SLF1: variants seen among roughly 807,000 people sequenced by gnomAD.
SLF1 encodes SMC5-SMC6 complex localization factor protein 1.
Under a neutral mutation model 123.0 loss-of-function variants are expected in SLF1, and 105 were observed. The ratio of observed to expected loss-of-function variants is 0.85; its 90% confidence interval spans 0.73 to 1.00. The LOEUF is 1.00. Among genes scored for constraint, SLF1 ranks in the 50% least tolerant of loss-of-function variants. The probability of loss-of-function intolerance (pLI) is 0.00; values close to 1 mark genes in which losing one functional copy is unlikely to be tolerated. For missense variants in SLF1, 1,239 were observed against 1,223.0 expected (o/e 1.01, Z -0.20); for synonymous variants, 434 against 406.6 (o/e 1.07, Z -0.81).
chr5:94,646,665 A>G (rs527530491), intron 5 of SLF1, among the ~76,000 whole-genome samples: 1 of 152,312 alleles, frequency 6.6e-6, no homozygotes, highest in South Asian at 2.1e-4. Flanking sequence ...AAAATGAACT[A>G]CAGCAGTCTT....
intron 1 of SLF1, among the ~76,000 whole-genome samples, chr5:94,625,878 T>A (rs1012675101): frequency 6.6e-6 from 1 of 152,150 alleles, no homozygotes; most frequent in Non-Finnish European, 1.5e-5. Context: ...CTTCATAGTT[T>A]TTATGTATTG....
At chr5:94,660,514 G>GC (rs1008648261) in intron 9 of SLF1, among the ~76,000 whole-genome samples, 2 of 152,246 alleles carry the variant, frequency 1.3e-5, no homozygotes, top group Middle Eastern at 3.4e-3. Context: ...CTTTCCTCAG[G>GC]CCCCCCGATA....
At chr5:94,662,223 CA>C in intron 9 of SLF1, 74 bp from the exon 10 acceptor site, 1 of 1,301,280 alleles carries the variant, frequency 7.7e-7, no homozygotes, top group Non-Finnish European at 1.1e-6. Context: ...TATGTTTTTC[CA>C]AGGTTTTGGG....
chr5:94,630,188 T>G (rs1446106454), intron 3 of SLF1, among the ~76,000 whole-genome samples: 1 of 152,150 alleles, frequency 6.6e-6, no homozygotes, highest in East Asian at 1.9e-4. Context: ...AGCTTTAGAT[T>G]TATGTTTAGA....
Position 94,628,007 on chromosome 5 carries a change from A to G in SLF1, c.1-804A>G, listed in dbSNP as rs139956078. ...CACGCTGGGCTAATTTTGTATTTTT[A>G]ATGGAGACAGGGTTTCACCATGTTG... On this transcript the variant is annotated intron_variant, in intron 1 of 20. Coordinates refer to ENST00000265140, the MANE Select transcript of SLF1 (RefSeq NM_032290.4). 7.6e-3 allele frequency among the ~76,000 whole-genome samples: 1,151 copies of G among 151,896 alleles called. 21 individuals carry two copies. The highest frequency in any genetic ancestry group is 0.027 in the African/African-American group (1,099 of 41,402).
intron 17 of SLF1, among the ~76,000 whole-genome samples, chr5:94,689,102 G>C (rs6890092): frequency 6.6e-6 from 1 of 152,068 alleles, no homozygotes; most frequent in African/African-American, 2.4e-5. Context: ...GAAAGCTTCT[G>C]TGAGAGGAAG....
In SLF1 at chr5:94,658,428, T is replaced by TTTGTTGTTG. The variant is rs35496935; in HGVS notation, c.1155+3697_1155+3705dup. 5.4e-3 allele frequency among the ~76,000 whole-genome samples: 820 copies of TTTGTTGTTG among 150,604 alleles called. 7 individuals are homozygous for TTTGTTGTTG. Among genetic ancestry groups the TTTGTTGTTG allele is most frequent in the Non-Finnish European group, 6.5e-3 (439 of 67,588 alleles). On this transcript the variant is annotated intron_variant, in intron 9 of 20. Transcript: ENST00000265140. Reference sequence around the variant, plus strand: ...TAATATTCTTGCCTGTTGAGTTGGGTTTGTTGTTGTTGTTGTTGTTGTTGT... The same window carrying TTTGTTGTTG: ...TAATATTCTTGCCTGTTGAGTTGGGTTTGTTGTTGTTGTTGTTGTTGTTGTTGTTGTTGT...
intron 6 of SLF1, 141 bp from the exon 7 acceptor site, chr5:94,651,561 T>C (rs2152479075): frequency 3.9e-6 from 2 of 517,594 alleles, no homozygotes; most frequent in Non-Finnish European, 6.4e-6. Flanking sequence ...ATTCAGAGGG[T>C]TCTTTACTCT....
chr5:94,687,928 TTTA>T (rs1427124648), intron 16 of SLF1, among the ~76,000 whole-genome samples: 2 of 151,542 alleles, frequency 1.3e-5, no homozygotes, highest in Non-Finnish European at 2.9e-5. Flanking sequence ...GTTTTCCAGT[TTTA>T]TTTTGGCTAT....
chr5:94,628,238 A>C (rs378692), intron 1 of SLF1, among the ~76,000 whole-genome samples: 152,232 of 152,296 alleles, frequency 1, 76,084 homozygotes, highest in Middle Eastern at 1. Flanking sequence ...CACTGCGTCC[A>C]GGGTTCAAGC....
In SLF1 at chr5:94,691,661, GTT is replaced by G; in HGVS notation, c.2512+8_2512+9del. 1 of 1,597,418 alleles carries G rather than the reference GTT, an allele frequency of 6.3e-7. No homozygotes were observed. Among genetic ancestry groups the G allele is most frequent in the South Asian group, 1.1e-5 (1 of 88,526 alleles). ...GAATAGACATCAATGTTAAAGGTAA[GTT>G]TTAAATCTTTGTGGTCTAGTCCAAT... is the stretch of plus-strand genomic sequence containing the variant. On this transcript the variant is annotated splice_donor_region_variant and intron_variant, in intron 19 of 20. Coordinates refer to ENST00000265140, the MANE Select transcript of SLF1 (RefSeq NM_032290.4).
At chr5:94,620,591 TTAAA>T (rs1319026924) in intron 1 of SLF1, among the ~76,000 whole-genome samples, 3 of 152,170 alleles carry the variant, frequency 2.0e-5, no homozygotes, top group Admixed American at 1.3e-4. Flanking sequence ...TTTTCACCAT[TTAAA>T]TAAAACTTTT....
At position 94,678,964 on chromosome 5, in the gene SLF1, G is replaced by T. The variant is rs1353312016; in HGVS notation, c.1975+9G>T. 6.2e-7 allele frequency: 1 copy of T among 1,610,492 alleles called. No individual in the cohort carries two copies. The highest frequency in any genetic ancestry group is 1.3e-5 in the African/African-American group (1 of 74,782). On this transcript the variant is annotated intron_variant, in intron 15 of 20. Transcript: ENST00000265140. ...TTCTCTTTCGTGTGATGGTAAGTTT[G>T]TCTATGTTCTGTTTTTTTCAGACCC...
At chr5:94,642,730 T>C (rs1418605289) in intron 4 of SLF1, among the ~76,000 whole-genome samples, 2 of 152,220 alleles carry the variant, frequency 1.3e-5, no homozygotes, top group African/African-American at 4.8e-5. Flanking sequence ...GTCTTCTTAG[T>C]CTAAATGTAA....
intron 7 of SLF1, among the ~76,000 whole-genome samples, chr5:94,652,598 A>G (rs558352453): frequency 6.6e-6 from 1 of 151,986 alleles, no homozygotes; most frequent in Non-Finnish European, 1.5e-5. Context: ...TTATTGGTTT[A>G]TGTGTTTGAT....
intron 14 of SLF1, among the ~76,000 whole-genome samples, chr5:94,671,650 A>ATT (rs765388734): frequency 1.3e-4 from 17 of 132,670 alleles, no homozygotes; most frequent in African/African-American, 3.3e-4. Flanking sequence ...TTTTCTTTTA[A>ATT]TTTTTTTTTT....
intron 4 of SLF1, among the ~76,000 whole-genome samples, chr5:94,634,896 G>A (rs1269580961): frequency 4.6e-5 from 7 of 152,096 alleles, no homozygotes; most frequent in African/African-American, 1.7e-4. Context: ...TAATCAGGTT[G>A]TTTTCTTGCT....
chr5:94,694,975 T>A lies in SLF1; in HGVS notation c.2840T>A (p.Phe947Tyr), dbSNP rs1225415968. ...TTTCATGCACAAGCAGAGAAACATT[T>A]TCATTACCAGCAACTTGAATTTGGC... is the stretch of plus-strand genomic sequence containing the variant. ...ENFHAQAEKH[F>Y]HYQQLEFGSF... Residue 947 changes from phenylalanine (F) to tyrosine (Y), a missense_variant, in exon 21 of 21, where the codon TTT becomes TAT. Transcript: ENST00000265140. The A allele has an allele frequency of 6.2e-7, 1 of 1,612,624 alleles. No individual in the cohort carries two copies. The highest frequency in any genetic ancestry group is 8.5e-7 in the Non-Finnish European group (1 of 1,179,138).
intron 12 of SLF1, among the ~76,000 whole-genome samples, chr5:94,669,100 G>A (rs535894076): frequency 2.0e-5 from 3 of 152,156 alleles, no homozygotes; most frequent in Non-Finnish European, 4.4e-5. Flanking sequence ...ATGGGGTACT[G>A]TGGAGGTGCT....
Sources: gnomAD v4.1 joint callset for allele counts (sites outside exome capture counted in the v4.1 genomes callset) on GRCh38, gnomAD v4.1.1 for gene constraint, MANE v1.5 for transcripts, NCBI Gene and HGNC (gene_info 2026-07-23, HGNC 2026-07-21) for gene names.